DKK3: variants seen among roughly 807,000 people sequenced by gnomAD.
The protein encoded by DKK3 is dickkopf Wnt signaling pathway inhibitor 3.
Under a neutral mutation model 33.2 loss-of-function variants are expected in DKK3, and 22 were observed. The ratio of observed to expected loss-of-function variants is 0.66; its 90% CI spans 0.47 to 0.95. The LOEUF is 0.95. Among genes scored for constraint, DKK3 ranks in the 40% least tolerant of loss-of-function variants. The probability of loss-of-function intolerance (pLI) is 0.00; values close to 1 mark genes in which losing one functional copy is unlikely to be tolerated. For synonymous variants in DKK3, 194 were observed against 188.8 expected, an observed-to-expected ratio of 1.03 and a Z score of -0.23; for missense variants, 398 against 458.4, an observed-to-expected ratio of 0.87 and a Z score of 1.20.
Position 11,966,992 on chromosome 11 carries a change from C to T in DKK3, c.635G>A (p.Arg212Lys). ...ACAGCACAGCCCCGGCTGGCAGTCC[C>T]TCTGGTTGTCACAGATGGTCCCATT... Reference protein sequence around the residue: ...GSNGTICDNQRDCQPGLCCAF... With the variant: ...GSNGTICDNQKDCQPGLCCAF... The change falls in exon 5 of 7, where the codon AGG (arginine) becomes AAG (lysine). Residue 212 changes from arginine to lysine, a missense_variant. Coordinates refer to ENST00000683431, the MANE Select transcript of DKK3 (RefSeq NM_001018057.2). 6.2e-7 allele frequency: 1 copy of T among 1,614,080 alleles called. No individual in the cohort carries two copies. The highest frequency in any genetic ancestry group is 1.1e-5 in the South Asian group (1 of 91,068).
At chr11:11,983,541 G>T (rs1848001053) in intron 3 of DKK3, among the ~76,000 whole-genome samples, 1 of 152,248 alleles carries the variant, frequency 6.6e-6, no homozygotes, top group African/African-American at 2.4e-5. Flanking sequence ...TGTCATGTCT[G>T]CATCCTCCAG....
Position 12,008,607 on chromosome 11 carries a change from G to T in DKK3, c.-25C>A. 1 of 1,375,528 alleles carries T rather than the reference G, an allele frequency of 7.3e-7. No individual in the cohort carries two copies. Among genetic ancestry groups the T allele is most frequent in the African/African-American group, 1.5e-5 (1 of 65,562 alleles). 85.2% of individuals were successfully genotyped at this position (1,375,528 alleles called of 1,614,324 possible). A position where few individuals can be genotyped will look rare whatever the true frequency, so the allele number is the denominator to read the frequency against. ...TCTCCGCTCTGCGCCCGCAGCCGCCGCCTGTGTGTCCCGGAACGCGATCAG... is the reference window on the plus strand; with the variant it reads ...TCTCCGCTCTGCGCCCGCAGCCGCCTCCTGTGTGTCCCGGAACGCGATCAG... On this transcript the variant is annotated 5_prime_UTR_variant, in exon 1 of 7. Transcript: ENST00000683431. This position sits in a 1 kb window ranked among gnomAD's most constrained non-coding sequence, Gnocchi z 4.6.
chr11:11,988,495 G>A (rs907382145), intron 3 of DKK3, among the ~76,000 whole-genome samples: 2 of 152,172 alleles, frequency 1.3e-5, no homozygotes, highest in African/African-American at 4.8e-5. Flanking sequence ...GGCCTCTGTT[G>A]GCACTGTCCC....
intron 2 of DKK3, among the ~76,000 whole-genome samples, chr11:12,000,599 G>C (rs1848405129): frequency 6.6e-6 from 1 of 151,824 alleles, no homozygotes; most frequent in South Asian, 2.1e-4. Flanking sequence ...TCTGCTTCCA[G>C]GTTCAAGTGA....
intron 3 of DKK3, among the ~76,000 whole-genome samples, chr11:11,969,485 T>C (rs1461566343): frequency 6.6e-6 from 1 of 152,090 alleles, no homozygotes; most frequent in Non-Finnish European, 1.5e-5. Flanking sequence ...TCCAAGATAA[T>C]GTGACTAGTT....
chr11:12,000,710 G>A (rs918421829), intron 2 of DKK3, among the ~76,000 whole-genome samples: 3 of 150,148 alleles, frequency 2.0e-5, no homozygotes, highest in African/African-American at 7.4e-5. Flanking sequence ...TTAGAAGTGG[G>A]GTTTCACCAT....
intron 2 of DKK3, chr11:12,001,671 A>G (rs1268512245): frequency 1.3e-5 from 2 of 152,252 alleles, no homozygotes; most frequent in Admixed American, 1.3e-4. Flanking sequence ...TGAGATTCGC[A>G]GAGCTTTCTT....
chr11:12,008,989 G>A (rs1035464998), upstream of DKK3: 69 of 997,826 alleles, frequency 6.9e-5, no homozygotes, highest in Non-Finnish European at 8.1e-5. The surrounding 1 kb of genome is among the most constrained non-coding windows in gnomAD (Gnocchi z 4.6). Context: ...CCTCGACCAG[G>A]TCAGAGTGCC....
chr11:12,008,805 G>A (rs921623497), upstream of DKK3: 13 of 1,180,536 alleles, frequency 1.1e-5, no homozygotes, highest in Admixed American at 4.6e-5. The surrounding 1 kb of genome is among the most constrained non-coding windows in gnomAD (Gnocchi z 4.6). Context: ...GCTCCAGCCC[G>A]AGCCCCGATC....
chr11:11,976,601 G>A (rs10765914), intron 3 of DKK3, among the ~76,000 whole-genome samples: 54,698 of 152,088 alleles, frequency 0.36, 12,023 homozygotes, highest in Admixed American at 0.54. Flanking sequence ...CTGGGTCGGG[G>A]CCCCAGCCAG....
intron 3 of DKK3, among the ~76,000 whole-genome samples, chr11:11,989,042 C>T (rs1848132658): frequency 6.6e-6 from 1 of 152,142 alleles, no homozygotes. Context: ...CCTCTAGTGC[C>T]TACAGTCATG....
intron 3 of DKK3, chr11:11,998,054 G>A (rs2135096986): frequency 6.5e-6 from 1 of 152,696 alleles, no homozygotes; most frequent in South Asian, 2.1e-4. Flanking sequence ...AGCCACCTCT[G>A]GTCTGGGAGT....
chr11:11,989,676 C>T (rs894276196), intron 3 of DKK3, among the ~76,000 whole-genome samples: 6 of 152,146 alleles, frequency 3.9e-5, no homozygotes, highest in African/African-American at 1.4e-4. Context: ...ATAATTAACC[C>T]TGCTGAATTA....
chr11:11,988,218 A>G (rs891835656), intron 3 of DKK3, among the ~76,000 whole-genome samples: 1 of 152,360 alleles, frequency 6.6e-6, no homozygotes, highest in East Asian at 1.9e-4. Context: ...TGAAACTGAC[A>G]GTAGACAGAG....
chr11:11,996,835 A>G (rs1282643157), intron 3 of DKK3, among the ~76,000 whole-genome samples: 12 of 152,178 alleles, frequency 7.9e-5, no homozygotes, highest in Non-Finnish European at 1.5e-5. Context: ...CCATCACACA[A>G]TGGCCACAGG....
At chr11:11,990,909 T>C (rs1175310183) in intron 3 of DKK3, among the ~76,000 whole-genome samples, 10 of 152,228 alleles carry the variant, frequency 6.6e-5, no homozygotes, top group African/African-American at 2.4e-4. Flanking sequence ...TAAGATTCTA[T>C]TCTACTTGCA....
rs1055116447 is a variant in DKK3 at position 11,967,787 on chromosome 11, G to C, written c.528+608C>G. ...TGGGTGAAGAGTCTCCTTTGCCCTG[G>C]CTCCACATTTCCCAATCTAACCTGC... is the stretch of plus-strand genomic sequence containing the variant. On this transcript the variant is annotated intron_variant, in intron 4 of 6. Coordinates refer to ENST00000683431, the MANE Select transcript of DKK3 (RefSeq NM_001018057.2). Among the ~76,000 whole-genome samples the C allele has an allele frequency of 2.0e-4, 30 of 152,354 alleles. No individual in the cohort carries two copies. The Middle Eastern group carries it at 0.014, about 69-fold the overall frequency.
chr11:12,005,481 T>G (rs565694094), intron 1 of DKK3, among the ~76,000 whole-genome samples: 136 of 152,138 alleles, frequency 8.9e-4, no homozygotes, highest in Non-Finnish European at 1.5e-3. Flanking sequence ...AGAAACAGAG[T>G]GGTTATATCT....
At chr11:11,982,857 G>A (rs1466008350) in intron 3 of DKK3, among the ~76,000 whole-genome samples, 1 of 152,306 alleles carries the variant, frequency 6.6e-6, no homozygotes, top group East Asian at 1.9e-4. Context: ...CAATTAATGG[G>A]ATTAAGTTTA....
Sources: allele counts gnomAD v4.1 joint callset (sites outside exome capture counted in the v4.1 genomes callset), GRCh38; gene constraint gnomAD v4.1.1; non-coding constraint Gnocchi (gnomAD v3.1); transcripts MANE v1.5; gene names NCBI Gene and HGNC (gene_info 2026-07-23, HGNC 2026-07-21).